WRN: variants seen among roughly 807,000 people sequenced by gnomAD.
WRN encodes WRN RecQ like helicase.
In WRN, 149 loss-of-function variants were observed where a neutral mutation model predicts 180.7. That is an observed-to-expected ratio of 0.82 (90% CI 0.72 to 0.94). The LOEUF (loss-of-function observed/expected upper bound fraction) is 0.94. Among genes scored for constraint, WRN ranks in the 40% least tolerant of loss-of-function variants. The pLI is 0.00. For synonymous variants in WRN, 548 were observed against 568.9 expected (o/e 0.96, Z 0.52); for missense variants, 1,661 against 1,700.1 (o/e 0.98, Z 0.40).
intron 2 of WRN, 40 bp downstream of exon 2, chr8:31,058,583 A>T (rs945442735): frequency 1.3e-5 from 20 of 1,590,660 alleles, no homozygotes; most frequent in Non-Finnish European, 1.7e-5. Flanking sequence ...TGAGAAATTT[A>T]ATTTATATTT....
At position 31,135,002 on chromosome 8, in the gene WRN, C is replaced by G. The variant is rs565868507; in HGVS notation, c.2967+2496C>G. ...CCTGTAGGGACTGGGAAAAAGCACC[C>G]CCGTCCTCCCCCAAGCCCCCCCACC... is the stretch of plus-strand genomic sequence containing the variant. On this transcript the variant is annotated intron_variant, in intron 24 of 34. Coordinates refer to ENST00000298139, the MANE Select transcript of WRN (RefSeq NM_000553.6). Among the ~76,000 whole-genome samples, 3 of 152,090 alleles carry G rather than the reference C, an allele frequency of 2.0e-5. No individual in the cohort carries two copies. In the South Asian group the frequency reaches 6.2e-4, roughly 32 times the overall value.
chr8:31,040,309 G>C (rs918423366), intron 1 of WRN, among the ~76,000 whole-genome samples: 8 of 152,176 alleles, frequency 5.3e-5, no homozygotes, highest in Non-Finnish European at 1.2e-4. Context: ...AAGAGGAATG[G>C]TCTAGGCTGT....
chr8:31,057,744 GTT>G (rs897203425), intron 1 of WRN, among the ~76,000 whole-genome samples: 1 of 144,538 alleles, frequency 6.9e-6, no homozygotes, highest in Non-Finnish European at 1.5e-5. Flanking sequence ...AATATGTTCT[GTT>G]TTTTTTTTTT....
chr8:31,100,415 A>G (rs1390639566), intron 17 of WRN, among the ~76,000 whole-genome samples: 2 of 152,204 alleles, frequency 1.3e-5, no homozygotes, highest in Non-Finnish European at 2.9e-5. Context: ...TATGTGATCA[A>G]TCATGGATGG....
chr8:31,155,600 C>G (rs3213203), intron 32 of WRN, among the ~76,000 whole-genome samples: 1 of 145,296 alleles, frequency 6.9e-6, no homozygotes, highest in Non-Finnish European at 1.5e-5. Context: ...CCAACCTGGG[C>G]GACCGAGCAA....
intron 1 of WRN, among the ~76,000 whole-genome samples, chr8:31,051,491 T>A (rs143844497): frequency 1.7e-3 from 255 of 152,342 alleles, no homozygotes; most frequent in African/African-American, 5.6e-3. Flanking sequence ...TCTATTGACA[T>A]GAACTAGAAG....
rs751004956 is a variant in WRN at position 31,167,120 on chromosome 8, A to G, written c.4081A>G (p.Ser1361Gly). 1 of 1,613,488 alleles carries G rather than the reference A, an allele frequency of 6.2e-7. No homozygotes were observed. Among genetic ancestry groups the G allele is most frequent in the Non-Finnish European group, 8.5e-7 (1 of 1,179,552 alleles). Residue 1361 changes from serine (S) to glycine (G), a missense_variant, in exon 34 of 35, where the codon AGC becomes GGC. Around this residue, in one of 3 missense-constraint regions of WRN, gnomAD observed 1,141 missense variants for 1,149.4 expected, o/e 0.99. Transcript: ENST00000298139. The part of the protein sequence containing the change: ...AIEILKHGPD[S>G]GLQPSCDVNK... ...TGAGATCCTTAAACATGGTCCTGAC[A>G]GCGGACTTCAACCTTCATGTGATGT...
Position 31,174,212 on chromosome 8 carries a change from G to T in WRN, c.*1110G>T, listed in dbSNP as rs1174788210. 2.0e-5 allele frequency among the ~76,000 whole-genome samples: 3 copies of T among 152,158 alleles called. No homozygotes were observed. The highest frequency in any genetic ancestry group is 2.0e-4 in the Admixed American group (3 of 15,282). ...GAAGGTAGTGGCGCCTATTAAATAT[G>T]TGATATGTTGTTGTCCAGCCATGGC... is the stretch of plus-strand genomic sequence containing the variant. On this transcript the variant is annotated 3_prime_UTR_variant, in exon 35 of 35. Transcript: ENST00000298139.
At chr8:31,152,631 C>T (rs1255683611) in intron 31 of WRN, among the ~76,000 whole-genome samples, 4 of 152,026 alleles carry the variant, frequency 2.6e-5, no homozygotes. Context: ...CTTACCTAAG[C>T]ACTCTTCAGA....
chr8:31,170,534 TAAATG>T (rs1225987223), intron 34 of WRN, among the ~76,000 whole-genome samples: 1 of 152,244 alleles, frequency 6.6e-6, no homozygotes, highest in Non-Finnish European at 1.5e-5. Flanking sequence ...ATCTTGTTTA[TAAATG>T]AAATTAAATG....
At position 31,142,604 on chromosome 8, in the gene WRN, ATTTAAT is replaced by A; in HGVS notation, c.3234-17_3234-12del. ...TACTTGCATCTTAACATTTGAAATA[ATTTAAT>A]TTTATTATTTTTTAGTTCGAAAACT... is the stretch of plus-strand genomic sequence containing the variant. On this transcript the variant is annotated splice_polypyrimidine_tract_variant and intron_variant, in intron 26 of 34. Transcript: ENST00000298139. 3.2e-6 allele frequency: 5 copies of A among 1,547,536 alleles called. No individual in the cohort carries two copies. Among genetic ancestry groups the A allele is most frequent in the Non-Finnish European group, 4.4e-6 (5 of 1,133,280 alleles).
Position 31,064,505 on chromosome 8 carries a change from A to G in WRN, c.355+71A>G, listed in dbSNP as rs1812619113. On this transcript the variant is annotated intron_variant, in intron 4 of 34. Transcript: ENST00000298139. ...ATGTCAACTTTATCCCTATAAAATT[A>G]AGTTCTTTTATTAGCTGGCCGTTCT... 5 of 1,599,818 alleles carry G rather than the reference A, an allele frequency of 3.1e-6. 1 individual carries two copies. In the South Asian group the frequency reaches 4.4e-5, roughly 14 times the overall value.
chr8:31,171,422 A>G, intron 34 of WRN: 1 of 152,190 alleles, frequency 6.6e-6, no homozygotes, highest in East Asian at 1.9e-4. Flanking sequence ...CAAACATATG[A>G]AGAAAAGCTC....
intron 1 of WRN, among the ~76,000 whole-genome samples, chr8:31,037,547 A>C (rs913795929): frequency 6.6e-6 from 1 of 152,170 alleles, no homozygotes; most frequent in African/African-American, 2.4e-5. Flanking sequence ...TCTTTAGTCC[A>C]TTTTGAGTTG....
chr8:31,123,949 C>T (rs1801821712), intron 21 of WRN, among the ~76,000 whole-genome samples: 1 of 152,002 alleles, frequency 6.6e-6, no homozygotes, highest in Non-Finnish European at 1.5e-5. Context: ...CAGTTATAAT[C>T]GATTGAGAAA....
At chr8:31,067,836 G>A (rs1171212329) in intron 6 of WRN, among the ~76,000 whole-genome samples, 1 of 152,070 alleles carries the variant, frequency 6.6e-6, no homozygotes, top group Non-Finnish European at 1.5e-5. Context: ...TCAAAGGAAT[G>A]GAAACTCCTT....
intron 17 of WRN, among the ~76,000 whole-genome samples, chr8:31,099,045 C>T (rs577701008): frequency 2.1e-4 from 32 of 150,844 alleles, no homozygotes; most frequent in Non-Finnish European, 3.4e-4. Context: ...AGCATGGTAC[C>T]TGTTACAGTG....
intron 21 of WRN, among the ~76,000 whole-genome samples, chr8:31,122,319 A>G (rs1801754510): frequency 6.6e-6 from 1 of 152,010 alleles, no homozygotes; most frequent in Non-Finnish European, 1.5e-5. Flanking sequence ...AAAAACTAGA[A>G]AGTCTAAGAA....
chr8:31,078,376 A>T (rs989795608), intron 8 of WRN, among the ~76,000 whole-genome samples: 1 of 152,158 alleles, frequency 6.6e-6, no homozygotes, highest in Non-Finnish European at 1.5e-5. Flanking sequence ...CAGTCAAAAT[A>T]ATGCTATAAG....
Sources: allele counts gnomAD v4.1 joint callset (sites outside exome capture counted in the v4.1 genomes callset), GRCh38; gene constraint gnomAD v4.1.1; regional missense constraint gnomAD v4.1.1; transcripts MANE v1.5; gene names NCBI Gene and HGNC (gene_info 2026-07-23, HGNC 2026-07-21).